Variants in AADAT observed in about 807,000 individuals in gnomAD.
AADAT encodes kynurenine/alpha-aminoadipate aminotransferase, mitochondrial.
AADAT carries 25 observed loss-of-function variants against 56.2 expected under a neutral mutation model. The ratio of observed to expected loss-of-function variants is 0.44; its 90% CI spans 0.32 to 0.62. AADAT has a LOEUF of 0.62. AADAT is among the 20% of genes least tolerant of loss of function. AADAT has a pLI of 0.04. For missense variants in AADAT, 387 were observed against 510.5 expected, an observed-to-expected ratio of 0.76 and a Z score of 2.33; for synonymous variants, 173 against 164.7, an observed-to-expected ratio of 1.05 and a Z score of -0.39.
chr4:170,075,460 G>C (rs1259163317), intron 4 of AADAT, among the ~76,000 whole-genome samples: 1 of 151,936 alleles, frequency 6.6e-6, no homozygotes. Flanking sequence ...TCAGTCTTCT[G>C]CCTGGTTAAT....
chr4:170,071,709 T>C (rs373429356), intron 5 of AADAT, among the ~76,000 whole-genome samples: 3 of 152,034 alleles, frequency 2.0e-5, no homozygotes, highest in East Asian at 1.9e-4. Context: ...GCAGCTGGTG[T>C]AGTGAAGAAG....
chr4:170,061,270 G>A (rs1293366766), intron 12 of AADAT, among the ~76,000 whole-genome samples: 1 of 152,040 alleles, frequency 6.6e-6, no homozygotes, highest in Non-Finnish European at 1.5e-5. Context: ...TCTCTCACCT[G>A]CATTTTATAT....
chr4:170,072,223 ATG>A (rs960518213), intron 5 of AADAT, among the ~76,000 whole-genome samples: 5 of 150,944 alleles, frequency 3.3e-5, no homozygotes, highest in Admixed American at 6.6e-5. Flanking sequence ...GTGTGTGTGT[ATG>A]TGTGTGTGTG....
intron 6 of AADAT, 45 bp from the exon 7 acceptor site, chr4:170,069,275 T>C: frequency 1.3e-6 from 2 of 1,487,416 alleles, no homozygotes; most frequent in Non-Finnish European, 9.3e-7. Context: ...AAAGCTCTGT[T>C]AGTCACTGTA....
chr4:170,092,193 T>G (rs150675438), upstream of AADAT, among the ~76,000 whole-genome samples: 1 of 152,228 alleles, frequency 6.6e-6, no homozygotes, highest in Non-Finnish European at 1.5e-5. Flanking sequence ...TTTTGCAGCG[T>G]GTGGTGGTTT....
intron 1 of AADAT, 64 bp downstream of exon 1, chr4:170,089,560 C>A: frequency 6.3e-7 from 1 of 1,593,506 alleles, no homozygotes; most frequent in Non-Finnish European, 8.6e-7. Context: ...GCTAGGGAAC[C>A]CTCCTTAGAG....
At chr4:170,088,249 T>G in intron 2 of AADAT, 147 bp downstream of exon 2, 1 of 733,612 alleles carries the variant, frequency 1.4e-6, no homozygotes, top group Non-Finnish European at 2.1e-6. Flanking sequence ...ACTGAGTATT[T>G]GGTCATTGAA....
chr4:170,061,145 T>C (rs1731167739), intron 12 of AADAT, among the ~76,000 whole-genome samples, 176 bp from the exon 13 acceptor site: 1 of 152,212 alleles, frequency 6.6e-6, no homozygotes, highest in South Asian at 2.1e-4. Flanking sequence ...TCTATTAAAA[T>C]ATGAAGACTG....
chr4:170,079,239 G>A (rs1732179961), intron 3 of AADAT, among the ~76,000 whole-genome samples: 1 of 152,246 alleles, frequency 6.6e-6, no homozygotes, highest in Non-Finnish European at 1.5e-5. Context: ...ATGAGTTGGT[G>A]TACGGGGTAA....
chr4:170,072,269 A>ATG (rs1050967969), intron 5 of AADAT, among the ~76,000 whole-genome samples: 37 of 144,534 alleles, frequency 2.6e-4, no homozygotes, highest in African/African-American at 7.3e-4. Flanking sequence ...ATGTATATAT[A>ATG]TGTGTGTGTG....
At chr4:170,069,466 T>C (rs1271808705) in intron 6 of AADAT, among the ~76,000 whole-genome samples, 1 of 152,230 alleles carries the variant, frequency 6.6e-6, no homozygotes, top group Admixed American at 6.5e-5. Context: ...GCTTATTATT[T>C]GCTCCAGATG....
At position 170,075,662 on chromosome 4, in the gene AADAT, G is replaced by C. The variant is rs1731998974; in HGVS notation, c.445-2317C>G. Reference sequence around the variant, plus strand: ...CAGTGGCATTAATTACATTCACAATGTGTGCATCCATCACCTCTGTCTATT... The same window carrying C: ...CAGTGGCATTAATTACATTCACAATCTGTGCATCCATCACCTCTGTCTATT... On this transcript the variant is annotated intron_variant, in intron 4 of 12. Transcript: ENST00000337664. 2.0e-5 allele frequency among the ~76,000 whole-genome samples: 3 copies of C among 152,228 alleles called. No individual in the cohort carries two copies. The South Asian group carries it at 6.2e-4, about 32-fold the overall frequency.
At chr4:170,079,174 T>C (rs1016997400) in intron 3 of AADAT, among the ~76,000 whole-genome samples, 1 of 152,158 alleles carries the variant, frequency 6.6e-6, no homozygotes, top group Non-Finnish European at 1.5e-5. Flanking sequence ...TAAGAGCTCA[T>C]TGTAGGAAGA....
At chr4:170,088,265 A>C in intron 2 of AADAT, 131 bp downstream of exon 2, 1 of 957,080 alleles carries the variant, frequency 1.0e-6, no homozygotes, top group Non-Finnish European at 1.5e-6. Context: ...TTGAATGACC[A>C]AATGGGTCAA....
chr4:170,073,201 C>A lies in AADAT; in HGVS notation c.589G>T (p.Val197Phe). The A allele has an allele frequency of 6.2e-7, 1 of 1,614,090 alleles. No homozygotes were observed. The highest frequency in any genetic ancestry group is 8.5e-7 in the Non-Finnish European group (1 of 1,180,018). Residue 197 changes from valine to phenylalanine, a missense_variant, in exon 5 of 13, where the codon GTT (valine) becomes TTT (phenylalanine). Transcript: ENST00000337664. ...CCAGTAGGGTTGTTGCCATTTGGAA[C>A]AGTATAAAGAAATTTGGGGGTGTTT... ...QKNTPKFLYT[V>F]PNGNNPTGNS...
chr4:170,093,388 A>G (rs996117100), upstream of AADAT, among the ~76,000 whole-genome samples: 17 of 152,096 alleles, frequency 1.1e-4, no homozygotes, highest in African/African-American at 4.1e-4. Context: ...TGAAGCCGAG[A>G]TCACGCCACT....
At chr4:170,075,230 A>C (rs1731976734) in intron 4 of AADAT, among the ~76,000 whole-genome samples, 1 of 152,234 alleles carries the variant, frequency 6.6e-6, no homozygotes, top group Non-Finnish European at 1.5e-5. Context: ...GTAATCTTAA[A>C]TCTTAGGAGT....
chr4:170,065,273 TATC>T (rs1435047742), intron 10 of AADAT, among the ~76,000 whole-genome samples: 3 of 152,238 alleles, frequency 2.0e-5, no homozygotes, highest in Non-Finnish European at 1.5e-5. Flanking sequence ...TTAGCGTTTT[TATC>T]AGAATGTAAT....
intron 4 of AADAT, among the ~76,000 whole-genome samples, chr4:170,076,903 G>GTCCAA (rs1215451878): frequency 6.6e-6 from 1 of 152,066 alleles, no homozygotes; most frequent in Non-Finnish European, 1.5e-5. Context: ...TGAAGTAAGG[G>GTCCAA]TCCAAGTTCT....
Sources: allele counts gnomAD v4.1 joint callset (sites outside exome capture counted in the v4.1 genomes callset), GRCh38; gene constraint gnomAD v4.1.1; transcripts MANE v1.5; gene names NCBI Gene and HGNC (gene_info 2026-07-23, HGNC 2026-07-21).